The following SOX5 variants were observed in gnomAD, a reference collection of about 807,000 sequenced individuals.
SOX5 encodes the protein SRY-box transcription factor 5.
Under a neutral mutation model 92.0 loss-of-function variants are expected in SOX5, and 9 were observed. The ratio of observed to expected loss-of-function variants is 0.10; its 90% CI spans 0.06 to 0.17. The LOEUF is 0.17. Ranked by LOEUF, SOX5 falls within the 10% of genes least tolerant of loss-of-function variation. The pLI is 1.00. For missense variants in SOX5, 642 were observed against 944.5 expected, an observed-to-expected ratio of 0.68 and a Z score of 4.20; for synonymous variants, 344 against 336.3, an observed-to-expected ratio of 1.02 and a Z score of -0.25.
chr12:24,127,222 C>T (rs1267080666), intron 4 of SOX5, among the ~76,000 whole-genome samples: 2 of 151,532 alleles, frequency 1.3e-5, no homozygotes, highest in African/African-American at 4.8e-5. Flanking sequence ...AAAACCCTGT[C>T]TCTACAAAAA....
At chr12:24,495,074 A>C (rs1947481945) in intron 1 of SOX5, among the ~76,000 whole-genome samples, 1 of 152,228 alleles carries the variant, frequency 6.6e-6, no homozygotes, top group South Asian at 2.1e-4. Context: ...AGAAGAGTTA[A>C]AATCCATCTT....
chr12:24,262,544 A>G (rs992441836), intron 3 of SOX5, among the ~76,000 whole-genome samples: 1 of 152,188 alleles, frequency 6.6e-6, no homozygotes, highest in African/African-American at 2.4e-5. Flanking sequence ...CATTAAACCA[A>G]ACGCCCACGA....
Position 23,846,064 on chromosome 12 carries a change from G to T in SOX5, c.400C>A (p.Arg134=), listed in dbSNP as rs1345851693. The T allele has an allele frequency of 1.9e-6, 3 of 1,614,018 alleles. No individual in the cohort carries two copies. Among genetic ancestry groups the T allele is most frequent in the Non-Finnish European group, 2.5e-6 (3 of 1,179,982 alleles). Reference sequence around the variant, plus strand: ...ACATCAGCTAAACTGCCCTTGCGCCGTTCAGGAGTTCCCAGGGCTGTACTA... The same window carrying T: ...ACATCAGCTAAACTGCCCTTGCGCCTTTCAGGAGTTCCCAGGGCTGTACTA... ...LSSTALGTPE[R]RKGSLADVVD... The change falls in exon 3 of 15, where the codon CGG becomes AGG. Residue 134 remains arginine, a synonymous_variant. Transcript: ENST00000451604.
At chr12:23,864,669 A>G (rs977539358) in intron 2 of SOX5, among the ~76,000 whole-genome samples, 10 of 152,220 alleles carry the variant, frequency 6.6e-5, no homozygotes, top group African/African-American at 1.9e-4. Flanking sequence ...ACTCTCTTCA[A>G]TTCCATGAAG....
chr12:23,556,323 A>G (rs1426036799), intron 11 of SOX5, among the ~76,000 whole-genome samples: 1 of 152,228 alleles, frequency 6.6e-6, no homozygotes, highest in Non-Finnish European at 1.5e-5. Context: ...TGATAATAAG[A>G]AGGCAAATAT....
intron 3 of SOX5, among the ~76,000 whole-genome samples, chr12:24,233,118 C>G (rs574346118): frequency 4.6e-5 from 7 of 152,108 alleles, no homozygotes; most frequent in African/African-American, 1.7e-4. Context: ...CCCTCTTATG[C>G]CTAACTTCAT....
At chr12:23,808,470 T>C (rs1360397651) in intron 3 of SOX5, among the ~76,000 whole-genome samples, 1 of 152,150 alleles carries the variant, frequency 6.6e-6, no homozygotes, top group African/African-American at 2.4e-5. Context: ...CCCTTAGTAA[T>C]TAATCAAATA....
chr12:24,446,583 T>C (rs1244249953), intron 1 of SOX5, among the ~76,000 whole-genome samples: 1 of 152,130 alleles, frequency 6.6e-6, no homozygotes, highest in Non-Finnish European at 1.5e-5. Flanking sequence ...AAGAGTGACA[T>C]GACTGATTTG....
intron 3 of SOX5, among the ~76,000 whole-genome samples, chr12:23,792,658 A>C (rs984219608): frequency 1.5e-5 from 2 of 136,954 alleles, no homozygotes; most frequent in Non-Finnish European, 3.2e-5. Flanking sequence ...AAAAAAAAAA[A>C]AAAACTTGGA....
chr12:23,888,978 T>C (rs186547014), intron 2 of SOX5, among the ~76,000 whole-genome samples: 359 of 152,324 alleles, frequency 2.4e-3, no homozygotes, highest in Admixed American at 5.9e-3. Flanking sequence ...TATGTGTGTG[T>C]AGAATTATAC....
chr12:23,651,338 TC>T (rs1266486520), intron 7 of SOX5, among the ~76,000 whole-genome samples: 1 of 152,040 alleles, frequency 6.6e-6, no homozygotes, highest in Non-Finnish European at 1.5e-5. Context: ...GCCAGGATTA[TC>T]CCACGGTTAA....
chr12:24,094,317 G>A (rs1398411090), intron 4 of SOX5, among the ~76,000 whole-genome samples: 1 of 152,084 alleles, frequency 6.6e-6, no homozygotes, highest in Non-Finnish European at 1.5e-5. Context: ...GAACATTTAT[G>A]TTTCATATTC....
At chr12:23,828,676 T>C (rs2096269517) in intron 3 of SOX5, among the ~76,000 whole-genome samples, 1 of 151,772 alleles carries the variant, frequency 6.6e-6, no homozygotes, top group African/African-American at 2.4e-5. Flanking sequence ...ATGACTTCTA[T>C]ATAATATGTA....
chr12:23,617,166 T>C (rs985007654), intron 8 of SOX5, among the ~76,000 whole-genome samples: 3 of 147,298 alleles, frequency 2.0e-5, no homozygotes, highest in Non-Finnish European at 4.5e-5. Flanking sequence ...GGCAGGAGGA[T>C]AAGCCATCAG....
chr12:24,180,638 T>C (rs1008114479), intron 4 of SOX5, among the ~76,000 whole-genome samples: 3 of 152,194 alleles, frequency 2.0e-5, no homozygotes, highest in Non-Finnish European at 2.9e-5. Context: ...TAACATACCA[T>C]TGAGTTTCTT....
chr12:23,676,558 A>C (rs1005065311), intron 6 of SOX5, among the ~76,000 whole-genome samples: 15 of 102,838 alleles, frequency 1.5e-4, no homozygotes, highest in African/African-American at 5.7e-4. Flanking sequence ...TGCAACGAAT[A>C]AGGCAAGTGC....
chr12:24,017,671 A>G (rs1410526963), intron 4 of SOX5, among the ~76,000 whole-genome samples: 1 of 152,128 alleles, frequency 6.6e-6, no homozygotes, highest in African/African-American at 2.4e-5. Flanking sequence ...ATGCAACACC[A>G]CAGACCAGGG....
At position 24,270,021 on chromosome 12, in the gene SOX5, CTTAT is replaced by C. The variant is rs550620337; in HGVS notation, c.-77+7191_-77+7194del. On this transcript the variant is annotated intron_variant, in intron 3 of 4. Transcript: ENST00000446891. ...TCCAGAATACTGGACAGAATAAATG[CTTAT>C]TTTAGTATCCTATTTTTGTTCATTT... Among the ~76,000 whole-genome samples the C allele has an allele frequency of 9.2e-5, 14 of 151,784 alleles. No individual in the cohort carries two copies. In the South Asian group the frequency reaches 2.9e-3, roughly 32 times the overall value.
intron 1 of SOX5, among the ~76,000 whole-genome samples, chr12:24,406,793 C>G (rs1024984039): frequency 2.0e-5 from 3 of 152,058 alleles, no homozygotes; most frequent in East Asian, 3.9e-4. Flanking sequence ...AAATTTCACC[C>G]GAAGCAAGGG....
Sources: gnomAD v4.1 joint callset for allele counts (sites outside exome capture counted in the v4.1 genomes callset) on GRCh38, gnomAD v4.1.1 for gene constraint, MANE v1.5 for transcripts, NCBI Gene and HGNC (gene_info 2026-07-23, HGNC 2026-07-21) for gene names.